FAM135B: variants seen among roughly 807,000 people sequenced by gnomAD.
FAM135B encodes family with sequence similarity 135 member B.
In FAM135B, 43 loss-of-function variants were observed where a neutral mutation model predicts 127.7. The observed-to-expected ratio is 0.34, with a 90% CI of 0.26 to 0.43. FAM135B has a LOEUF of 0.43. FAM135B is among the 20% of genes least tolerant of loss of function. The pLI, the probability that FAM135B is intolerant of heterozygous loss-of-function variation, is 1.00. For synonymous variants in FAM135B, 670 were observed against 665.1 expected (o/e 1.01, Z -0.11); for missense variants, 1,558 against 1,725.6 (o/e 0.90, Z 1.72).
At chr8:138,495,019 TAC>T (rs1815339899) in intron 1 of FAM135B, among the ~76,000 whole-genome samples, 1 of 152,192 alleles carries the variant, frequency 6.6e-6, no homozygotes. Context: ...TGGACCAGAC[TAC>T]AGTGTTTCCA....
chr8:138,277,472 T>A (rs1823921002), intron 3 of FAM135B, among the ~76,000 whole-genome samples: 1 of 152,122 alleles, frequency 6.6e-6, no homozygotes, highest in African/African-American at 2.4e-5. Flanking sequence ...CTGGGTCAAG[T>A]AATTAACTTT....
At chr8:138,330,721 C>T (rs965958354) in intron 2 of FAM135B, among the ~76,000 whole-genome samples, 2 of 152,164 alleles carry the variant, frequency 1.3e-5, no homozygotes, top group Non-Finnish European at 2.9e-5. Context: ...ACTCTTACAA[C>T]CCTGTGCTCT....
At chr8:138,304,899 G>GC (rs1826127813) in intron 3 of FAM135B, among the ~76,000 whole-genome samples, 1 of 152,158 alleles carries the variant, frequency 6.6e-6, no homozygotes, top group South Asian at 2.1e-4. Flanking sequence ...AGATGGAAGA[G>GC]CCCCTTTTAA....
intron 19 of FAM135B, among the ~76,000 whole-genome samples, chr8:138,136,227 T>C (rs1816651070): frequency 1.3e-5 from 2 of 152,240 alleles, no homozygotes; most frequent in South Asian, 4.1e-4. Flanking sequence ...GACCCAATTA[T>C]ATATTAGCAC....
intron 2 of FAM135B, among the ~76,000 whole-genome samples, chr8:138,365,994 G>A (rs372419740): frequency 1.6e-4 from 25 of 151,744 alleles, no homozygotes; most frequent in Admixed American, 1.6e-3. Flanking sequence ...GTAAATAGAC[G>A]TTCTAATACT....
At chr8:138,364,363 T>C (rs1326196725) in intron 2 of FAM135B, among the ~76,000 whole-genome samples, 1 of 152,152 alleles carries the variant, frequency 6.6e-6, no homozygotes, top group African/African-American at 2.4e-5. Context: ...CAAGGTTTTG[T>C]TGCTGATGAG....
intron 7 of FAM135B, among the ~76,000 whole-genome samples, chr8:138,213,507 C>CTTT (rs142780602): frequency 7.2e-6 from 1 of 139,604 alleles, no homozygotes. Context: ...TATGTAATTT[C>CTTT]TTTTTTTTTT....
chr8:138,339,704 G>T (rs896899297), intron 2 of FAM135B, among the ~76,000 whole-genome samples: 16 of 152,180 alleles, frequency 1.1e-4, no homozygotes, highest in African/African-American at 3.9e-4. Context: ...GCATCACAGA[G>T]TTAAAGTGCT....
chr8:138,367,184 C>T (rs1830791115), intron 2 of FAM135B: 2 of 321,540 alleles, frequency 6.2e-6, no homozygotes, highest in East Asian at 8.8e-5. Flanking sequence ...CTAATTTGCG[C>T]TGTTAATTGG....
intron 2 of FAM135B, among the ~76,000 whole-genome samples, chr8:138,315,855 G>A (rs1415202230): frequency 1.3e-5 from 2 of 152,070 alleles, no homozygotes; most frequent in South Asian, 2.1e-4. Context: ...TACCGGGAAC[G>A]GAGAAGGGAA....
At chr8:138,485,642 T>A (rs1392012026) in intron 1 of FAM135B, among the ~76,000 whole-genome samples, 1 of 152,124 alleles carries the variant, frequency 6.6e-6, no homozygotes, top group African/African-American at 2.4e-5. Context: ...AGTCTTTCAA[T>A]CTCCTAGGGA....
chr8:138,211,928 C>T (rs545221252), intron 7 of FAM135B, among the ~76,000 whole-genome samples: 231 of 152,110 alleles, frequency 1.5e-3, no homozygotes, highest in Non-Finnish European at 2.6e-3. Context: ...ATTAGCCAGG[C>T]GTAATGGTGC....
chr8:138,288,673 T>A (rs533792053), intron 3 of FAM135B, among the ~76,000 whole-genome samples: 62 of 152,280 alleles, frequency 4.1e-4, no homozygotes, highest in African/African-American at 1.2e-3. Context: ...GGAGAAGCCT[T>A]GTCAGCCAGG....
intron 6 of FAM135B, among the ~76,000 whole-genome samples, chr8:138,247,621 T>C (rs980464993): frequency 1.3e-5 from 2 of 152,128 alleles, no homozygotes; most frequent in Non-Finnish European, 2.9e-5. Context: ...CATAGCAGAG[T>C]GAGAACAGAC....
At position 138,378,927 on chromosome 8, in the gene FAM135B, C is replaced by A. The variant is rs114382943; in HGVS notation, c.-19-10925G>T. On this transcript the variant is annotated intron_variant, in intron 1 of 19. Coordinates refer to ENST00000395297, the MANE Select transcript of FAM135B (RefSeq NM_015912.4). ...AAACTCAGGCAGAGGGCTTGAAGTA[C>A]CAAAGATGAGGAAGCTCTATTAAGG... 8.8e-3 allele frequency among the ~76,000 whole-genome samples: 1,347 copies of A among 152,220 alleles called. 23 individuals are homozygous for A. The highest frequency in any genetic ancestry group is 0.031 in the African/African-American group (1,290 of 41,538).
intron 11 of FAM135B, 96 bp downstream of exon 11, chr8:138,177,251 T>G: frequency 8.6e-7 from 1 of 1,160,548 alleles, no homozygotes; most frequent in Non-Finnish European, 1.3e-6. Context: ...CAGACTTCTC[T>G]CCTTCACTTC....
chr8:138,290,778 G>T (rs1825053766), intron 3 of FAM135B, among the ~76,000 whole-genome samples: 1 of 152,108 alleles, frequency 6.6e-6, no homozygotes, highest in South Asian at 2.1e-4. Context: ...GGAAGATGTT[G>T]GTGCTAACAC....
intron 2 of FAM135B, among the ~76,000 whole-genome samples, chr8:138,365,039 C>T (rs1830656436): frequency 6.6e-6 from 1 of 152,036 alleles, no homozygotes; most frequent in Non-Finnish European, 1.5e-5. Context: ...TAGAGATGGA[C>T]TTTCACCATG....
intron 1 of FAM135B, among the ~76,000 whole-genome samples, chr8:138,416,073 T>G (rs570090700): frequency 6.6e-6 from 1 of 152,314 alleles, no homozygotes; most frequent in African/African-American, 2.4e-5. Flanking sequence ...CAAGACTCTC[T>G]TTCTTCATCC....
Sources: allele counts gnomAD v4.1 joint callset (sites outside exome capture counted in the v4.1 genomes callset), GRCh38; gene constraint gnomAD v4.1.1; transcripts MANE v1.5; gene names NCBI Gene and HGNC (gene_info 2026-07-23, HGNC 2026-07-21).